Variants in NR6A1 observed in about 807,000 individuals in gnomAD.
NR6A1 encodes nuclear receptor subfamily 6 group A member 1, also known as retinoic acid receptor-related testis-associated receptor.
In NR6A1, 7 loss-of-function variants were observed where a neutral mutation model predicts 59.1. The ratio of observed to expected loss-of-function variants is 0.12; its 90% CI spans 0.07 to 0.22. NR6A1 has a LOEUF of 0.22. NR6A1 is among the 10% of genes least tolerant of loss of function. The probability of loss-of-function intolerance (pLI) is 1.00; values close to 1 mark genes in which losing one functional copy is unlikely to be tolerated. For synonymous variants in NR6A1, 243 were observed against 236.1 expected (o/e 1.03, Z -0.27); for missense variants, 468 against 611.6 (o/e 0.77, Z 2.48).
intron 1 of NR6A1, among the ~76,000 whole-genome samples, chr9:124,739,214 G>A (rs1043663739): frequency 1.3e-5 from 2 of 151,464 alleles, no homozygotes; most frequent in Non-Finnish European, 2.9e-5. Context: ...TGGGGGCGGC[G>A]AGGGTATGGG....
rs947517096 is a variant in NR6A1, at chr9:124,738,209, G to A, written c.101-4860C>T. Among the ~76,000 whole-genome samples, 14 of 151,008 alleles carry A rather than the reference G, an allele frequency of 9.3e-5. No individual in the cohort carries two copies. In the South Asian group the frequency reaches 1.1e-3, roughly 11 times the overall value. On this transcript the variant is annotated intron_variant, in intron 1 of 9. Coordinates refer to ENST00000487099, the MANE Select transcript of NR6A1 (RefSeq NM_033334.4). ...GCGGAGGTTGCAGTGAGCGGAGATC[G>A]CGCCACTGTACTCCAGCCTGGGCAA...
At chr9:124,563,518 C>T (rs1394577931) in intron 2 of NR6A1, among the ~76,000 whole-genome samples, 1 of 152,188 alleles carries the variant, frequency 6.6e-6, no homozygotes, top group East Asian at 1.9e-4. Context: ...TTAGTACTTA[C>T]CTCATACAGA....
At chr9:124,650,812 A>C (rs1837077399) in intron 2 of NR6A1, among the ~76,000 whole-genome samples, 1 of 152,220 alleles carries the variant, frequency 6.6e-6, no homozygotes, top group Non-Finnish European at 1.5e-5. Flanking sequence ...GTAAACACTT[A>C]AGGAAGAAAT....
At chr9:124,605,532 C>A (rs1343088055) in intron 2 of NR6A1, among the ~76,000 whole-genome samples, 2 of 151,918 alleles carry the variant, frequency 1.3e-5, no homozygotes, top group Non-Finnish European at 2.9e-5. Context: ...AAACAAAAAA[C>A]CCTCGCATCA....
At chr9:124,763,249 A>T (rs535015702) in intron 1 of NR6A1, among the ~76,000 whole-genome samples, 5 of 152,350 alleles carry the variant, frequency 3.3e-5, no homozygotes, top group African/African-American at 9.6e-5. Context: ...CATTAAGTGG[A>T]AAAGTCTTTT....
intron 2 of NR6A1, among the ~76,000 whole-genome samples, chr9:124,591,013 A>C (rs553483524): frequency 1.2e-4 from 18 of 152,336 alleles, no homozygotes; most frequent in Admixed American, 7.2e-4. Flanking sequence ...CTACCACAGG[A>C]ATAGCATATT....
At chr9:124,552,055 G>T (rs187455778) in intron 3 of NR6A1, among the ~76,000 whole-genome samples, 13 of 152,258 alleles carry the variant, frequency 8.5e-5, no homozygotes, top group Non-Finnish European at 1.5e-4. Flanking sequence ...TGGTCAGAGG[G>T]GTTATAAGGT....
intron 2 of NR6A1, among the ~76,000 whole-genome samples, chr9:124,688,976 C>T (rs771144422): frequency 3.3e-5 from 5 of 152,042 alleles, no homozygotes; most frequent in Admixed American, 6.6e-5. Flanking sequence ...GAAACTAAAA[C>T]GTTATGGGAA....
chr9:124,732,570 A>G (rs1340220764), intron 2 of NR6A1, among the ~76,000 whole-genome samples: 1 of 152,212 alleles, frequency 6.6e-6, no homozygotes, highest in Non-Finnish European at 1.5e-5. Context: ...ACTGTACTAC[A>G]AAGGTTATCA....
chr9:124,532,937 C>T lies in NR6A1; in HGVS notation c.1079+2941G>A, dbSNP rs118159192. ...TAGATCCTCCTTGATGAGAAAAATT[C>T]CTACCAAGGAAGGAAAAGTTTCCTC... is the stretch of plus-strand genomic sequence containing the variant. On this transcript the variant is annotated intron_variant, in intron 7 of 9. Transcript: ENST00000487099. Among the ~76,000 whole-genome samples the T allele has an allele frequency of 8.7e-3, 1,330 of 152,284 alleles. 12 individuals are homozygous for T. Among genetic ancestry groups the T allele is most frequent in the Middle Eastern group, 0.02 (6 of 294 alleles).
chr9:124,564,131 A>C (rs28549173), intron 2 of NR6A1, among the ~76,000 whole-genome samples: 3 of 152,194 alleles, frequency 2.0e-5, no homozygotes, highest in Non-Finnish European at 4.4e-5. Context: ...ATAAAGCTAT[A>C]AATAGTGCTT....
chr9:124,599,659 CT>C, intron 2 of NR6A1: 1 of 1,103,686 alleles, frequency 9.1e-7, no homozygotes, highest in Non-Finnish European at 1.2e-6. Context: ...CTCGTAGCTC[CT>C]TCCCTCTGCG....
intron 7 of NR6A1, among the ~76,000 whole-genome samples, chr9:124,529,203 A>G (rs1240929972): frequency 1.3e-5 from 2 of 152,190 alleles, no homozygotes; most frequent in African/African-American, 2.4e-5. Context: ...CCACCAATCT[A>G]TAATACCGTT....
chr9:124,714,459 C>T (rs1346273032), intron 2 of NR6A1, among the ~76,000 whole-genome samples: 1 of 152,158 alleles, frequency 6.6e-6, no homozygotes, highest in African/African-American at 2.4e-5. Context: ...ATACTTGATA[C>T]TGAAATTGAA....
chr9:124,634,472 C>A (rs1836541430), intron 2 of NR6A1, among the ~76,000 whole-genome samples: 1 of 152,148 alleles, frequency 6.6e-6, no homozygotes, highest in South Asian at 2.1e-4. Context: ...CCTACTTTTC[C>A]ATCAAAGTTT....
chr9:124,686,721 T>G (rs945020394), intron 2 of NR6A1, among the ~76,000 whole-genome samples: 1 of 148,510 alleles, frequency 6.7e-6, no homozygotes. Context: ...TTTTTTTTTT[T>G]GTGACAGGGT....
At chr9:124,548,882 T>C (rs917683090) in intron 3 of NR6A1, among the ~76,000 whole-genome samples, 1 of 151,702 alleles carries the variant, frequency 6.6e-6, no homozygotes. Context: ...TGTATCCTCA[T>C]TTCTCCTCTG....
At chr9:124,762,418 AG>A (rs1388252954) in intron 1 of NR6A1, among the ~76,000 whole-genome samples, 3 of 152,228 alleles carry the variant, frequency 2.0e-5, no homozygotes, top group African/African-American at 7.2e-5. Context: ...GCTTAATCCT[AG>A]CAGCTAGATC....
intron 2 of NR6A1, among the ~76,000 whole-genome samples, chr9:124,678,508 T>C (rs1838030640): frequency 6.6e-6 from 1 of 152,172 alleles, no homozygotes; most frequent in Non-Finnish European, 1.5e-5. Flanking sequence ...GTAAGTGTAA[T>C]AACAAATGCA....
Sources: allele counts gnomAD v4.1 joint callset (sites outside exome capture counted in the v4.1 genomes callset), GRCh38; gene constraint gnomAD v4.1.1; transcripts MANE v1.5; gene names NCBI Gene and HGNC (gene_info 2026-07-23, HGNC 2026-07-21).